USH2A: variants seen among roughly 807,000 people sequenced by gnomAD.
The protein encoded by USH2A is Usher syndrome 2A (autosomal recessive, mild).
In USH2A, 443 loss-of-function variants were observed where a neutral mutation model predicts 538.9. The observed-to-expected ratio is 0.82, with a 90% CI of 0.76 to 0.89. The LOEUF is 0.89. USH2A is among the 40% of genes least tolerant of loss of function. The pLI, the probability that USH2A is intolerant of heterozygous loss-of-function variation, is 0.00. For synonymous variants in USH2A, 2,413 were observed against 2,273.5 expected (o/e 1.06, Z -1.75); for missense variants, 6,633 against 6,324.8 (o/e 1.05, Z -1.65).
chr1:215,629,999 TCTC>T (rs952332309), intron 70 of USH2A: 2 of 449,686 alleles, frequency 4.4e-6, no homozygotes, highest in South Asian at 3.4e-5. Flanking sequence ...ATGGTCTCGA[TCTC>T]CTGACCTTGT....
Position 215,816,985 on chromosome 1 carries a change from G to T in USH2A, c.9570+12C>A, listed in dbSNP as rs774373184. 3 of 1,611,788 alleles carry T rather than the reference G, an allele frequency of 1.9e-6. No individual in the cohort carries two copies. In the East Asian group the frequency reaches 6.7e-5, roughly 36 times the overall value. ...AAAAACATGGTTCACTGATTAGTTA[G>T]AAAAGACTTACCTTAGCTTCAGAAG... On this transcript the variant is annotated intron_variant, in intron 48 of 71. Coordinates refer to ENST00000307340, the MANE Select transcript of USH2A (RefSeq NM_206933.4).
chr1:215,766,820 C>T lies in USH2A; in HGVS notation c.10940-32G>A, dbSNP rs1661145022. Reference sequence around the variant, plus strand: ...AAAGCAAGCAAGAAATAAAGTGCACCTTAAGAGGATTATTTATTATCAATT... The same window carrying T: ...AAAGCAAGCAAGAAATAAAGTGCACTTTAAGAGGATTATTTATTATCAATT... On this transcript the variant is annotated intron_variant, in intron 55 of 71. Coordinates refer to ENST00000307340, the MANE Select transcript of USH2A (RefSeq NM_206933.4). 1.9e-6 allele frequency: 3 copies of T among 1,570,574 alleles called. No homozygotes were observed. In the Middle Eastern group the frequency reaches 5.0e-4, roughly 262 times the overall value.
In USH2A at chr1:216,292,140, C is replaced by T. The variant is rs781495363; in HGVS notation, c.1840+35G>A. On this transcript the variant is annotated intron_variant, in intron 10 of 71. Transcript: ENST00000307340. ...GCATTGTAGATAGAAGCACACAGGCCTCCAAACCAACTCAGGAATTTATTT... is the reference window on the plus strand; with the variant it reads ...GCATTGTAGATAGAAGCACACAGGCTTCCAAACCAACTCAGGAATTTATTT... 2.5e-6 allele frequency: 4 copies of T among 1,611,204 alleles called. No homozygotes were observed. In the East Asian group the frequency reaches 6.7e-5, roughly 27 times the overall value.
intron 11 of USH2A, among the ~76,000 whole-genome samples, chr1:216,274,582 T>C (rs987305178): frequency 1.3e-5 from 2 of 152,128 alleles, no homozygotes; most frequent in Admixed American, 6.6e-5. Context: ...CTCATTCCAC[T>C]TCAAAAATAA....
intron 32 of USH2A, among the ~76,000 whole-genome samples, chr1:216,042,154 TTAA>T (rs2030302014): frequency 6.6e-6 from 1 of 152,068 alleles, no homozygotes; most frequent in Admixed American, 6.6e-5. Context: ...ACAAAAATGT[TTAA>T]TGATAGGATA....
intron 32 of USH2A, among the ~76,000 whole-genome samples, chr1:216,031,556 C>T (rs542171485): frequency 2.0e-5 from 3 of 152,142 alleles, no homozygotes; most frequent in Non-Finnish European, 4.4e-5. Context: ...TTCTAACCCA[C>T]TTGTCCTTAT....
intron 66 of USH2A, 77 bp downstream of exon 66, chr1:215,648,451 G>A (rs1052932049): frequency 2.4e-5 from 35 of 1,462,380 alleles, no homozygotes; most frequent in Middle Eastern, 1.7e-4. Flanking sequence ...CCTAGGTGCA[G>A]AGTAGGCTAT....
chr1:216,246,614 T>G lies in USH2A; in HGVS notation c.2780A>C (p.Gln927Pro). 6.2e-7 allele frequency: 1 copy of G among 1,614,062 alleles called. No homozygotes were observed. The highest frequency in any genetic ancestry group is 8.5e-7 in the Non-Finnish European group (1 of 1,179,942). Residue 927 changes from glutamine (Q) to proline (P), a missense_variant, in exon 13 of 72, where the codon CAA becomes CCA. By Grantham distance (76) the Gln-to-Pro change is moderately conservative. Coordinates refer to ENST00000307340, the MANE Select transcript of USH2A (RefSeq NM_206933.4). ...TTGACACTGATTACACCTTCTTCCT[T>G]GACGATTAGGCACACACAGGCACTG... is the stretch of plus-strand genomic sequence containing the variant. ...SGQCLCVPNRQGRRCNQCQPG... is the reference protein window; with the variant it reads ...SGQCLCVPNRPGRRCNQCQPG...
Position 216,046,515 on chromosome 1 carries a change from C to T in USH2A, c.6241G>A (p.Ala2081Thr), listed in dbSNP as rs1558229482. ...LLLSWNPPKK[A>T]NGIITQYCLY... ...CAGTACTGAGTTATAATACCATTTG[C>T]CTTTTTGGGTGGGTTCCAGGAGAGC... is the stretch of plus-strand genomic sequence containing the variant. The change falls in exon 32 of 72, where the codon GCA becomes ACA. Residue 2081 changes from alanine to threonine, a missense_variant. Ala to Thr is a moderately conservative substitution (Grantham distance 58). Transcript: ENST00000307340. 6.2e-7 allele frequency: 1 copy of T among 1,613,784 alleles called. No homozygotes were observed. Among genetic ancestry groups the T allele is most frequent in the Non-Finnish European group, 8.5e-7 (1 of 1,179,796 alleles).
intron 55 of USH2A, among the ~76,000 whole-genome samples, chr1:215,770,854 C>T (rs1661258066): frequency 6.6e-6 from 1 of 150,898 alleles, no homozygotes; most frequent in African/African-American, 2.4e-5. Context: ...CCTCTAGTCC[C>T]AGCACTTTGG....
At chr1:215,961,289 T>A (rs1667193381) in intron 37 of USH2A, among the ~76,000 whole-genome samples, 1 of 151,830 alleles carries the variant, frequency 6.6e-6, no homozygotes, top group East Asian at 1.9e-4. Context: ...TTATCATAAT[T>A]ACTTAAATCA....
intron 3 of USH2A, among the ~76,000 whole-genome samples, chr1:216,379,261 G>C (rs537336380): frequency 6.6e-6 from 1 of 152,264 alleles, no homozygotes; most frequent in South Asian, 2.1e-4. Flanking sequence ...ACTCTCCTCT[G>C]CTACATTTCT....
At chr1:216,268,310 G>C (rs141360991) in intron 11 of USH2A, among the ~76,000 whole-genome samples, 115 of 152,064 alleles carry the variant, frequency 7.6e-4, no homozygotes, top group African/African-American at 2.7e-3. Context: ...ACTATACTCT[G>C]AACAACTTAA....
intron 3 of USH2A, among the ~76,000 whole-genome samples, chr1:216,407,713 G>A (rs982439374): frequency 1.3e-5 from 2 of 151,970 alleles, no homozygotes; most frequent in African/African-American, 4.8e-5. Flanking sequence ...ATAACTGAAG[G>A]CATCAGTTAG....
intron 30 of USH2A, among the ~76,000 whole-genome samples, chr1:216,055,038 G>A (rs1366519124): frequency 6.6e-6 from 1 of 152,110 alleles, no homozygotes; most frequent in Non-Finnish European, 1.5e-5. Context: ...CGTTAGCAAA[G>A]GCATTTGGGA....
intron 9 of USH2A, among the ~76,000 whole-genome samples, chr1:216,304,700 G>T (rs1013195540): frequency 6.6e-6 from 1 of 151,908 alleles, no homozygotes; most frequent in Non-Finnish European, 1.5e-5. Flanking sequence ...TGGAGGTTTT[G>T]ATAGGTTGTG....
rs1193057520 is a variant in USH2A at position 215,666,413 on chromosome 1, G to A, written c.14133+4559C>T. 2.0e-5 allele frequency among the ~76,000 whole-genome samples: 3 copies of A among 152,140 alleles called. No homozygotes were observed. The East Asian group carries it at 5.8e-4, about 29-fold the overall frequency. On this transcript the variant is annotated intron_variant, in intron 64 of 71. Coordinates refer to ENST00000307340, the MANE Select transcript of USH2A (RefSeq NM_206933.4). ...TTTAGGAAAGCCAGGATAGACCAAC[G>A]TCAATAGGCTATTATCAATGATCAT...
In USH2A at chr1:216,323,671, A is replaced by T. The variant is rs1169170024; in HGVS notation, c.1353T>A (p.Asn451Lys). 6.2e-7 allele frequency: 1 copy of T among 1,613,428 alleles called. No individual in the cohort carries two copies. The highest frequency in any genetic ancestry group is 1.7e-5 in the Admixed American group (1 of 59,948). The change falls in exon 8 of 72, where the codon AAT becomes AAA. Residue 451 changes from asparagine (N) to lysine (K), a missense_variant. Transcript: ENST00000307340. ...LSNFTPYSRG[N>K]VTFSILTPGP... ...CAGGTGTCAGGATGCTAAATGTGAC[A>T]TTGCCACGGGAATATGGAGTAAAAC...
intron 3 of USH2A, among the ~76,000 whole-genome samples, chr1:216,414,099 T>G (rs911859344): frequency 6.6e-6 from 1 of 152,164 alleles, no homozygotes. Context: ...AACTACAGCA[T>G]GTGCTGATTT....
Sources: gnomAD v4.1 joint callset for allele counts (sites outside exome capture counted in the v4.1 genomes callset) on GRCh38, gnomAD v4.1.1 for gene constraint, MANE v1.5 for transcripts, NCBI Gene and HGNC (gene_info 2026-07-23, HGNC 2026-07-21) for gene names.